Variants in NPAS3 observed in about 807,000 individuals in gnomAD.
NPAS3 encodes the protein neuronal PAS domain protein 3, also known as neuronal PAS domain-containing protein 3.
NPAS3 carries 14 observed loss-of-function variants against 73.1 expected under a neutral mutation model. The observed-to-expected ratio is 0.19, with a 90% CI of 0.13 to 0.30. NPAS3 has a LOEUF of 0.30. NPAS3 is among the 10% of genes least tolerant of loss of function. NPAS3 has a pLI of 1.00. For synonymous variants in NPAS3, 620 were observed against 541.5 expected (o/e 1.14, Z -2.01); for missense variants, 1,096 against 1,250.0 (o/e 0.88, Z 1.86).
At chr14:33,170,855 A>G (rs557754097) in intron 2 of NPAS3, among the ~76,000 whole-genome samples, 6 of 152,312 alleles carry the variant, frequency 3.9e-5, no homozygotes, top group African/African-American at 1.2e-4. Flanking sequence ...AAAGTCATCT[A>G]TGAGGGTTGG....
intron 4 of NPAS3, among the ~76,000 whole-genome samples, chr14:33,437,537 G>A (rs930222145): frequency 1.3e-5 from 2 of 152,228 alleles, no homozygotes; most frequent in South Asian, 2.1e-4. Flanking sequence ...AAATAGAGTG[G>A]CCTTTAATCT....
At chr14:33,115,084 A>G (rs2043016893) in intron 2 of NPAS3, among the ~76,000 whole-genome samples, 2 of 151,890 alleles carry the variant, frequency 1.3e-5, no homozygotes, top group African/African-American at 2.4e-5. Context: ...TAACATCACT[A>G]ACATTATTGA....
At chr14:33,330,766 G>T (rs961022090) in intron 3 of NPAS3, among the ~76,000 whole-genome samples, 10 of 151,282 alleles carry the variant, frequency 6.6e-5, no homozygotes, top group African/African-American at 2.5e-4. Flanking sequence ...GATTTTTATG[G>T]AAAGCATTAA....
intron 5 of NPAS3, among the ~76,000 whole-genome samples, chr14:33,583,818 T>C (rs2056766845): frequency 6.6e-6 from 1 of 152,236 alleles, no homozygotes; most frequent in African/African-American, 2.4e-5. Flanking sequence ...AATTACTTCA[T>C]GCTTGTTCCA....
intron 3 of NPAS3, among the ~76,000 whole-genome samples, chr14:33,339,062 G>A (rs1326547328): frequency 1.3e-5 from 2 of 152,070 alleles, no homozygotes; most frequent in East Asian, 1.9e-4. Flanking sequence ...CAGTAACGTC[G>A]AATTTTGTTT....
chr14:33,082,815 G>A (rs1396491035), intron 2 of NPAS3, among the ~76,000 whole-genome samples: 1 of 152,074 alleles, frequency 6.6e-6, no homozygotes, highest in African/African-American at 2.4e-5. Flanking sequence ...TTTAATGCCC[G>A]GTTGTATTTA....
At chr14:33,434,854 A>G (rs1282768592) in intron 4 of NPAS3, among the ~76,000 whole-genome samples, 1 of 152,216 alleles carries the variant, frequency 6.6e-6, no homozygotes, top group Non-Finnish European at 1.5e-5. Context: ...TCTTCAGTAG[A>G]TGATGCACCA....
Position 33,670,260 on chromosome 14 carries a change from T to A in NPAS3, c.559-5951T>A, listed in dbSNP as rs185913590. Among the ~76,000 whole-genome samples the A allele has an allele frequency of 3.9e-4, 59 of 152,348 alleles. 1 individual carries two copies. The East Asian group carries it at 9.1e-3, about 23-fold the overall frequency. ...AACATATCTGTAAAAAGAGAGCGGA[T>A]TCGTGTTCTTATTTGATGACACAGG... On this transcript the variant is annotated intron_variant, in intron 5 of 11. Transcript: ENST00000356141.
chr14:33,559,193 T>C (rs539980026), intron 4 of NPAS3, among the ~76,000 whole-genome samples: 5 of 152,142 alleles, frequency 3.3e-5, no homozygotes, highest in East Asian at 1.9e-4. Flanking sequence ...ATTTCAGGAG[T>C]GGTGATAGAA....
intron 4 of NPAS3, among the ~76,000 whole-genome samples, chr14:33,379,977 C>CATGT (rs367545400): frequency 1.1e-3 from 159 of 144,336 alleles, no homozygotes; most frequent in Non-Finnish European, 1.8e-3. Context: ...AGTTATCCCT[C>CATGT]GTGTGTGTGT....
intron 9 of NPAS3, among the ~76,000 whole-genome samples, chr14:33,784,749 T>TTTATTTA (rs1566538632): frequency 4.2e-5 from 2 of 47,836 alleles, no homozygotes; most frequent in South Asian, 6.0e-4. Context: ...TTATTTATTT[T>TTTATTTA]TTTTTTTTTT....
chr14:33,077,265 G>A (rs1392998226), intron 2 of NPAS3, among the ~76,000 whole-genome samples: 1 of 152,166 alleles, frequency 6.6e-6, no homozygotes, highest in Non-Finnish European at 1.5e-5. Context: ...CTTGCTGAAA[G>A]GGTGACAATG....
chr14:33,553,490 G>A (rs2055216900), intron 4 of NPAS3, among the ~76,000 whole-genome samples: 1 of 152,184 alleles, frequency 6.6e-6, no homozygotes, highest in Admixed American at 6.5e-5. Flanking sequence ...AGGCATCACA[G>A]TTTGCTGTTC....
chr14:33,064,329 C>T (rs755023161), intron 2 of NPAS3, among the ~76,000 whole-genome samples: 7 of 152,106 alleles, frequency 4.6e-5, no homozygotes, highest in Non-Finnish European at 8.8e-5. Context: ...AATTAATATA[C>T]CTCCCTTAAT....
intron 1 of NPAS3, among the ~76,000 whole-genome samples, chr14:32,953,297 C>T (rs1000011889): frequency 6.6e-6 from 1 of 152,192 alleles, no homozygotes; most frequent in African/African-American, 2.4e-5. Context: ...AGATCTGGAC[C>T]CTTTCCCCCT....
At chr14:33,358,823 C>T (rs2140379461) in intron 3 of NPAS3, among the ~76,000 whole-genome samples, 1 of 152,314 alleles carries the variant, frequency 6.6e-6, no homozygotes, top group African/African-American at 2.4e-5. Context: ...GAAATAGGAG[C>T]CTGGCTTATA....
At chr14:33,798,442 A>G (rs2063577892) in intron 11 of NPAS3, among the ~76,000 whole-genome samples, 1 of 152,122 alleles carries the variant, frequency 6.6e-6, no homozygotes, top group Non-Finnish European at 1.5e-5. Flanking sequence ...AGGGGAGGCA[A>G]TGACCACAAC....
chr14:33,487,630 T>C (rs1167711951), intron 4 of NPAS3, among the ~76,000 whole-genome samples: 1 of 152,200 alleles, frequency 6.6e-6, no homozygotes, highest in Non-Finnish European at 1.5e-5. Context: ...TCTTTCATAG[T>C]CACCTCTTCA....
chr14:33,435,609 G>C (rs2048955338), intron 4 of NPAS3, among the ~76,000 whole-genome samples: 1 of 152,164 alleles, frequency 6.6e-6, no homozygotes, highest in South Asian at 2.1e-4. Context: ...ATGATGATCA[G>C]ATATTGGCTA....
Sources: allele counts gnomAD v4.1 joint callset (sites outside exome capture counted in the v4.1 genomes callset), GRCh38; gene constraint gnomAD v4.1.1; transcripts MANE v1.5; gene names NCBI Gene and HGNC (gene_info 2026-07-23, HGNC 2026-07-21).